NTN1: variants seen among roughly 807,000 people sequenced by gnomAD.
NTN1 encodes netrin 1.
NTN1 carries 11 observed loss-of-function variants against 54.2 expected under a neutral mutation model. The observed-to-expected ratio is 0.20, with a 90% CI of 0.13 to 0.34. The LOEUF (loss-of-function observed/expected upper bound fraction) is 0.34, where lower values mean the gene tolerates loss of function less well. Ranked by LOEUF, NTN1 falls within the 10% of genes least tolerant of loss-of-function variation. The pLI is 1.00. For synonymous variants in NTN1, 371 were observed against 382.0 expected (o/e 0.97, Z 0.33); for missense variants, 740 against 893.1 (o/e 0.83, Z 2.18).
intron 2 of NTN1, among the ~76,000 whole-genome samples, chr17:9,125,037 C>T (rs1254227882): frequency 3.9e-5 from 6 of 152,104 alleles, no homozygotes; most frequent in African/African-American, 1.4e-4. Flanking sequence ...TTCTAGCACG[C>T]GGGGAGCTCC....
chr17:9,160,291 G>GA (rs1440367365), intron 2 of NTN1, among the ~76,000 whole-genome samples: 1 of 152,046 alleles, frequency 6.6e-6, no homozygotes, highest in African/African-American at 2.4e-5. Context: ...TTTTAGTAGA[G>GA]ACGGGGTTTC....
chr17:9,006,459 C>T, the NTN1 span, among the ~76,000 whole-genome samples: 2 of 152,074 alleles, frequency 1.3e-5, no homozygotes, highest in Non-Finnish European at 2.9e-5. Context: ...ACACCCAGTG[C>T]AGGGAGGGGC....
intron 2 of NTN1, among the ~76,000 whole-genome samples, chr17:9,093,490 G>A (rs962820686): frequency 2.6e-5 from 4 of 152,164 alleles, no homozygotes; most frequent in African/African-American, 9.7e-5. Context: ...AGTCTCCTGA[G>A]TAGTTGAGAC....
At chr17:9,236,126 G>GA (rs1182917290) in intron 6 of NTN1, among the ~76,000 whole-genome samples, 2 of 92,418 alleles carry the variant, frequency 2.2e-5, no homozygotes, top group Non-Finnish European at 5.4e-5. Context: ...TAAGAATTTG[G>GA]GGGGGGGGGT....
At chr17:9,050,501 C>A (rs1041673735) in intron 2 of NTN1, among the ~76,000 whole-genome samples, 2 of 151,402 alleles carry the variant, frequency 1.3e-5, no homozygotes, top group African/African-American at 4.9e-5. Context: ...GAAACCCCAT[C>A]TCTACTAAAA....
chr17:9,030,704 C>T (rs530012732), intron 2 of NTN1, among the ~76,000 whole-genome samples: 1 of 151,206 alleles, frequency 6.6e-6, no homozygotes, highest in South Asian at 2.1e-4. Context: ...AAGATCACGC[C>T]ACTGCACTCC....
Position 9,032,259 on chromosome 17 carries a change from A to G in NTN1, c.1018+8868A>G, listed in dbSNP as rs116389508. On this transcript the variant is annotated intron_variant, in intron 2 of 6. Transcript: ENST00000173229. ...TTGCCTGCTGCATTGGTTCTGTTGT[A>G]GTGTATTTGTTTTCTCCCATGCCAA... 2.9e-3 allele frequency among the ~76,000 whole-genome samples: 435 copies of G among 152,318 alleles called. 2 individuals are homozygous for G. Among genetic ancestry groups the G allele is most frequent in the African/African-American group, 0.01 (420 of 41,560 alleles).
intron 2 of NTN1, among the ~76,000 whole-genome samples, chr17:9,069,352 CTTCT>C (rs1408883433): frequency 6.6e-6 from 1 of 151,628 alleles, no homozygotes; most frequent in Non-Finnish European, 1.5e-5. Context: ...TCTTTTTGGT[CTTCT>C]TTAAGAATCA....
At chr17:9,031,012 C>T (rs145223161) in intron 2 of NTN1, among the ~76,000 whole-genome samples, 1,809 of 152,184 alleles carry the variant, frequency 0.012, 25 homozygotes, top group African/African-American at 0.042. Flanking sequence ...CATCTGTGCC[C>T]CCTCCTGGCT....
intron 2 of NTN1, among the ~76,000 whole-genome samples, chr17:9,071,309 C>T (rs2092031259): frequency 6.6e-6 from 1 of 152,152 alleles, no homozygotes; most frequent in African/African-American, 2.4e-5. Context: ...AGGGAAGCCT[C>T]TGGAACCACC....
At chr17:9,163,135 TTCTC>T in intron 3 of NTN1, 134 bp downstream of exon 3, 1 of 744,530 alleles carries the variant, frequency 1.3e-6, no homozygotes, top group East Asian at 2.8e-5. Flanking sequence ...CTCTCTCTCT[TTCTC>T]TCTCTGTGAC....
chr17:9,052,343 A>C (rs534368658), intron 2 of NTN1, among the ~76,000 whole-genome samples: 25 of 152,314 alleles, frequency 1.6e-4, no homozygotes, highest in Non-Finnish European at 2.9e-4. Flanking sequence ...GATTGAGGGC[A>C]TGTTATATGT....
chr17:9,183,486 T>C (rs995816455), intron 5 of NTN1: 13 of 379,684 alleles, frequency 3.4e-5, no homozygotes, highest in Non-Finnish European at 7.0e-5. Context: ...GACCGCAGCA[T>C]GCGGCCAAGC....
intron 2 of NTN1, among the ~76,000 whole-genome samples, chr17:9,031,112 A>G (rs1196528918): frequency 6.6e-6 from 1 of 152,180 alleles, no homozygotes; most frequent in African/African-American, 2.4e-5. Flanking sequence ...ATTTTCACAC[A>G]TCCCAGAGAC....
At chr17:9,034,709 C>G (rs1255030080) in intron 2 of NTN1, among the ~76,000 whole-genome samples, 1 of 152,038 alleles carries the variant, frequency 6.6e-6, no homozygotes, top group African/African-American at 2.4e-5. Context: ...AGGGGTGAGC[C>G]ACTGCGCCTG....
chr17:9,162,651 A>G (rs2092360557), intron 2 of NTN1, among the ~76,000 whole-genome samples, 162 bp from the exon 3 acceptor site: 1 of 152,228 alleles, frequency 6.6e-6, no homozygotes. Flanking sequence ...TACGGGTACA[A>G]ACAGGAGGAG....
chr17:9,009,859 G>A, the NTN1 span, among the ~76,000 whole-genome samples: 3 of 152,060 alleles, frequency 2.0e-5, no homozygotes, highest in African/African-American at 7.2e-5. Context: ...CCCCCAACCC[G>A]TTTTGATGAC....
chr17:9,186,453 T>C (rs2092432982), intron 5 of NTN1, among the ~76,000 whole-genome samples: 1 of 152,212 alleles, frequency 6.6e-6, no homozygotes, highest in African/African-American at 2.4e-5. Flanking sequence ...GCCAGCCAAC[T>C]TCTGGGCTCC....
intron 5 of NTN1, among the ~76,000 whole-genome samples, chr17:9,186,929 GGAGGGAGAA>G (rs1005281876): frequency 2.0e-5 from 3 of 152,052 alleles, no homozygotes; most frequent in African/African-American, 4.8e-5. Context: ...GGGGTTGTGG[GGAGGGAGAA>G]GAGGGAGAAA....
Sources: allele counts gnomAD v4.1 joint callset (sites outside exome capture counted in the v4.1 genomes callset), GRCh38; gene constraint gnomAD v4.1.1; transcripts MANE v1.5; gene names NCBI Gene and HGNC (gene_info 2026-07-23, HGNC 2026-07-21).